Variants in SESTD1 observed in about 807,000 individuals in gnomAD.
SESTD1 encodes the protein SEC14 domain and spectrin repeat-containing protein 1.
In SESTD1, 43 loss-of-function variants were observed where a neutral mutation model predicts 101.7. The observed-to-expected ratio is 0.42, with a 90% CI of 0.33 to 0.55. The LOEUF (loss-of-function observed/expected upper bound fraction) is 0.55, where lower values mean the gene tolerates loss of function less well. Among genes scored for constraint, SESTD1 ranks in the 20% least tolerant of loss-of-function variants. The pLI, the probability that SESTD1 is intolerant of heterozygous loss-of-function variation, is 0.07. For missense variants in SESTD1, 647 were observed against 815.1 expected (o/e 0.79, Z 2.51); for synonymous variants, 283 against 286.8 (o/e 0.99, Z 0.13).
chr2:179,176,631 A>G, intron 3 of SESTD1, 93 bp from the exon 4 acceptor site: 1 of 865,418 alleles, frequency 1.2e-6, no homozygotes, highest in Non-Finnish European at 1.8e-6. Flanking sequence ...TTAATCGCAT[A>G]TGGAGTAGAA....
chr2:179,122,446 T>C (rs1575425358), intron 12 of SESTD1, among the ~76,000 whole-genome samples: 1 of 152,298 alleles, frequency 6.6e-6, no homozygotes, highest in Non-Finnish European at 1.5e-5. Flanking sequence ...AAGCAACAAT[T>C]AGGGTATATT....
chr2:179,208,557 G>C (rs2046615603), intron 1 of SESTD1, among the ~76,000 whole-genome samples: 2 of 134,852 alleles, frequency 1.5e-5, no homozygotes, highest in Non-Finnish European at 3.2e-5. Flanking sequence ...GAAGGGATTG[G>C]GGTCCTATCT....
chr2:179,222,878 T>C (rs990658196), intron 1 of SESTD1, among the ~76,000 whole-genome samples: 3 of 152,134 alleles, frequency 2.0e-5, no homozygotes, highest in Admixed American at 1.3e-4. Context: ...CTATATTACA[T>C]TGTCACATAA....
At chr2:179,231,658 A>G (rs2046990177) in intron 1 of SESTD1, among the ~76,000 whole-genome samples, 1 of 151,652 alleles carries the variant, frequency 6.6e-6, no homozygotes, top group Admixed American at 6.6e-5. Flanking sequence ...TTTGGCTATT[A>G]AAAAATACCT....
chr2:179,153,216 T>A (rs2045562923), intron 5 of SESTD1, among the ~76,000 whole-genome samples: 1 of 152,182 alleles, frequency 6.6e-6, no homozygotes, highest in Admixed American at 6.5e-5. Flanking sequence ...CTACAACCAA[T>A]GAAGTGAATC....
intron 1 of SESTD1, among the ~76,000 whole-genome samples, chr2:179,192,728 A>T (rs896187751): frequency 1.3e-5 from 2 of 152,208 alleles, no homozygotes; most frequent in Admixed American, 1.3e-4. Flanking sequence ...TATACCATCA[A>T]ATTTTGATTT....
rs6742206 is a variant in SESTD1 at position 179,169,080 on chromosome 2, T to G, written c.369+3040A>C. ...AAAGAACAAAAAACCCCATAAAATCTAGCAAGATGGTAGATTTTATAAACT... is the reference window on the plus strand; with the variant it reads ...AAAGAACAAAAAACCCCATAAAATCGAGCAAGATGGTAGATTTTATAAACT... On this transcript the variant is annotated intron_variant, in intron 5 of 17. Transcript: ENST00000428443. Among the ~76,000 whole-genome samples, 668 of 152,212 alleles carry G rather than the reference T, an allele frequency of 4.4e-3. 4 individuals are homozygous for G. Among genetic ancestry groups the G allele is most frequent in the African/African-American group, 0.015 (621 of 41,552 alleles).
intron 1 of SESTD1, among the ~76,000 whole-genome samples, chr2:179,244,866 G>A (rs2105550108): frequency 6.6e-6 from 1 of 152,332 alleles, no homozygotes; most frequent in East Asian, 1.9e-4. Context: ...AGGAAACACT[G>A]TAAGATGATT....
At chr2:179,262,359 T>C (rs13384403) in intron 1 of SESTD1, among the ~76,000 whole-genome samples, 44,126 of 152,096 alleles carry the variant, frequency 0.29, 6,757 homozygotes, top group South Asian at 0.44. Flanking sequence ...ATATGAATTA[T>C]ATCTCAAAGA....
Position 179,102,672 on chromosome 2 carries a change from G to T in SESTD1, c.*7227C>A, listed in dbSNP as rs1222554562. 2 of 152,036 alleles carry T rather than the reference G, an allele frequency of 1.3e-5. No homozygotes were observed. 9.4% of individuals were successfully genotyped at this position (152,036 alleles called of 1,614,324 possible). A position where few individuals can be genotyped will look rare whatever the true frequency, so the allele number is the denominator to read the frequency against. Reference sequence around the variant, plus strand: ...AAATGAGCATTAGAAACACACAGATGATTATAATTCTATAGACTAATACAG... The same window carrying T: ...AAATGAGCATTAGAAACACACAGATTATTATAATTCTATAGACTAATACAG... On this transcript the variant is annotated 3_prime_UTR_variant, in exon 18 of 18. Transcript: ENST00000428443.
intron 13 of SESTD1, among the ~76,000 whole-genome samples, chr2:179,121,282 G>A (rs1011356273): frequency 1.3e-5 from 2 of 151,938 alleles, no homozygotes; most frequent in Admixed American, 6.6e-5. Flanking sequence ...AGAATCTTTT[G>A]AATTCCTAGT....
At chr2:179,124,241 C>T in intron 11 of SESTD1, 123 bp downstream of exon 11, 1 of 871,458 alleles carries the variant, frequency 1.1e-6, no homozygotes, top group Middle Eastern at 3.5e-4. Context: ...ATTACCCCCA[C>T]CAGTAATTCA....
At chr2:179,243,797 T>C (rs1389945442) in intron 1 of SESTD1, among the ~76,000 whole-genome samples, 2 of 151,928 alleles carry the variant, frequency 1.3e-5, no homozygotes, top group African/African-American at 4.8e-5. Context: ...AAACAACCTA[T>C]TGGGTACTTT....
At chr2:179,132,452 T>C (rs2045033862) in intron 9 of SESTD1, 26 bp from the exon 10 acceptor site, 1 of 1,445,326 alleles carries the variant, frequency 6.9e-7, no homozygotes, top group African/African-American at 3.2e-5. Context: ...GAGATAACAT[T>C]TTTTAAAGAA....
At chr2:179,123,321 G>A (rs1282958418) in intron 12 of SESTD1, among the ~76,000 whole-genome samples, 1 of 152,084 alleles carries the variant, frequency 6.6e-6, no homozygotes, top group Non-Finnish European at 1.5e-5. Flanking sequence ...TTTTCACAAG[G>A]TTAGGATAAA....
At chr2:179,128,364 G>A (rs557459571) in intron 10 of SESTD1, among the ~76,000 whole-genome samples, 1 of 152,146 alleles carries the variant, frequency 6.6e-6, no homozygotes, top group South Asian at 2.1e-4. Context: ...TCTGGGATGT[G>A]GAGAGCAAAA....
intron 1 of SESTD1, among the ~76,000 whole-genome samples, chr2:179,195,253 G>T (rs1279910939): frequency 6.6e-6 from 1 of 152,220 alleles, no homozygotes; most frequent in Non-Finnish European, 1.5e-5. Context: ...ATTAGATCAT[G>T]GGGGTGGTTC....
chr2:179,146,904 GGTGTGTGTGTGTGT>G (rs71023470), intron 7 of SESTD1, among the ~76,000 whole-genome samples: 23 of 145,522 alleles, frequency 1.6e-4, no homozygotes, highest in South Asian at 6.6e-4. Context: ...ATATTCCAGG[GGTGTGTGTGTGTGT>G]GTGTGTGTGT....
intron 1 of SESTD1, 189 bp downstream of exon 1, chr2:179,264,310 G>GAGCAGAGGCGGTGGC (rs1177169187): frequency 2.0e-5 from 3 of 151,256 alleles, no homozygotes; most frequent in African/African-American, 7.3e-5. Context: ...GGGGCGTTGG[G>GAGCAGAGGCGGTGGC]AGCAGAGGCG....
Sources: allele counts gnomAD v4.1 joint callset (sites outside exome capture counted in the v4.1 genomes callset), GRCh38; gene constraint gnomAD v4.1.1; transcripts MANE v1.5; gene names NCBI Gene and HGNC (gene_info 2026-07-23, HGNC 2026-07-21).